Variants in ADPGK observed in about 807,000 individuals in gnomAD.
ADPGK encodes the protein ADP-dependent glucokinase.
ADPGK carries 26 observed loss-of-function variants against 42.4 expected under a neutral mutation model. The ratio of observed to expected loss-of-function variants is 0.61; its 90% CI spans 0.45 to 0.85. The LOEUF is 0.85. Ranked by LOEUF, ADPGK falls within the 40% of genes least tolerant of loss-of-function variation. The probability of loss-of-function intolerance (pLI) is 0.00; values close to 1 mark genes in which losing one functional copy is unlikely to be tolerated. For missense variants in ADPGK, 571 were observed against 627.0 expected, an observed-to-expected ratio of 0.91 and a Z score of 0.95; for synonymous variants, 267 against 252.6, an observed-to-expected ratio of 1.06 and a Z score of -0.54.
At position 72,751,688 on chromosome 15, in the gene ADPGK, G is replaced by A. The variant is rs954871321; in HGVS notation, c.*653C>T. ...CACCAGCCAGCCTATAACCTATGGA[G>A]CCAGGACAGGAAAGCATGATCCTTC... On this transcript the variant is annotated 3_prime_UTR_variant, in exon 7 of 7. Transcript: ENST00000456471. 1 of 152,766 alleles carries A rather than the reference G, an allele frequency of 6.5e-6. No homozygotes were observed. The highest frequency in any genetic ancestry group is 2.4e-5 in the African/African-American group (1 of 41,442). The allele number at this position is 152,766 out of a possible 1,614,324, so 9.5% of individuals were successfully genotyped here.
At chr15:72,772,684 G>C (rs986737447) in intron 2 of ADPGK, among the ~76,000 whole-genome samples, 6 of 152,116 alleles carry the variant, frequency 3.9e-5, no homozygotes, top group Admixed American at 3.9e-4. Context: ...GTAAATGTTT[G>C]TTGCTAAATT....
chr15:72,774,817 T>C, intron 2 of ADPGK, 55 bp downstream of exon 2: 2 of 1,502,526 alleles, frequency 1.3e-6, no homozygotes, highest in African/African-American at 1.4e-5. Flanking sequence ...CTAGGAACCA[T>C]ATTAAAAAGG....
rs747531189 is a variant in ADPGK at position 72,756,385 on chromosome 15, A to T, written c.706T>A (p.Ser236Thr). 2 of 1,614,162 alleles carry T rather than the reference A, an allele frequency of 1.2e-6. No homozygotes were observed. The highest frequency in any genetic ancestry group is 2.2e-5 in the South Asian group (2 of 91,076). Reference protein sequence around the residue: ...ANRFIFSHDLSNGAMNMLEVF... With the variant: ...ANRFIFSHDLTNGAMNMLEVF... ...TCCAGCATATTCATGGCCCCGTTGG[A>T]GAGGTCGTGAGAGAAGATGAATCGG... Residue 236 changes from serine (S) to threonine (T), a missense_variant, in exon 5 of 7, where the codon TCC becomes ACC. Ser to Thr is a moderately conservative substitution (Grantham distance 58). This residue lies in a region of ADPGK where 434 missense variants were observed against 522.7 expected (regional missense o/e 0.83). Transcript: ENST00000456471.
chr15:72,783,449 T>C lies in ADPGK; in HGVS notation c.233+10A>G. ...GGAGGCTCAGAGACCCAGGCCCCGTTGGCACTCACCCCACTGCCACGCGGC... is the reference window on the plus strand; with the variant it reads ...GGAGGCTCAGAGACCCAGGCCCCGTCGGCACTCACCCCACTGCCACGCGGC... On this transcript the variant is annotated intron_variant, in intron 1 of 6. Coordinates refer to ENST00000456471, the MANE Select transcript of ADPGK (RefSeq NM_001365225.1). 2.2e-6 allele frequency: 3 copies of C among 1,357,034 alleles called. No homozygotes were observed. The highest frequency in any genetic ancestry group is 2.8e-6 in the Non-Finnish European group (3 of 1,060,440). 84.1% of individuals were successfully genotyped at this position (1,357,034 alleles called of 1,614,324 possible). A position where few individuals can be genotyped will look rare whatever the true frequency, so the allele number is the denominator to read the frequency against.
At chr15:72,773,725 A>G (rs924387542) in intron 2 of ADPGK, among the ~76,000 whole-genome samples, 14 of 152,256 alleles carry the variant, frequency 9.2e-5, no homozygotes, top group Middle Eastern at 3.2e-3. Context: ...AGATTCTCTC[A>G]TAAGAGATAA....
In ADPGK at chr15:72,752,128, T is replaced by C; in HGVS notation, c.*213A>G. On this transcript the variant is annotated 3_prime_UTR_variant, in exon 7 of 7. Transcript: ENST00000456471. ...TTTGGGAACTGAGTTTTTAGCTCTG[T>C]GACACACAACATAAAAAACAAAAAT... is the stretch of plus-strand genomic sequence containing the variant. 1.8e-6 allele frequency: 1 copy of C among 565,772 alleles called. No homozygotes were observed. The allele number at this position is 565,772 out of a possible 1,614,324, so 35.0% of individuals were successfully genotyped here.
intron 3 of ADPGK, among the ~76,000 whole-genome samples, chr15:72,766,074 A>C (rs2066254603): frequency 6.6e-6 from 1 of 152,142 alleles, no homozygotes; most frequent in Admixed American, 6.6e-5. Flanking sequence ...AGTAGCCTCA[A>C]ACTCCTAGGC....
intron 1 of ADPGK, chr15:72,783,159 G>A (rs1387968623): frequency 3.6e-6 from 4 of 1,114,928 alleles, no homozygotes; most frequent in Admixed American, 9.2e-5. Context: ...AGAAGAGAAG[G>A]GGCTAAAAGT....
intron 1 of ADPGK, among the ~76,000 whole-genome samples, chr15:72,775,954 C>T (rs968552839): frequency 1.3e-5 from 2 of 152,192 alleles, no homozygotes; most frequent in Non-Finnish European, 2.9e-5. Flanking sequence ...AGTCCAAACA[C>T]ATTTCATATA....
intron 1 of ADPGK, among the ~76,000 whole-genome samples, chr15:72,780,990 T>C (rs1305512200): frequency 6.6e-6 from 1 of 152,196 alleles, no homozygotes; most frequent in Non-Finnish European, 1.5e-5. Context: ...TGTCAAGATA[T>C]TCCTCCTTAT....
At chr15:72,780,978 G>C (rs573397564) in intron 1 of ADPGK, among the ~76,000 whole-genome samples, 1 of 152,254 alleles carries the variant, frequency 6.6e-6, no homozygotes, top group South Asian at 2.1e-4. Flanking sequence ...CCAGTGTCAG[G>C]ATGTCAAGAT....
At chr15:72,765,872 T>C (rs2066251945) in intron 3 of ADPGK, among the ~76,000 whole-genome samples, 1 of 152,246 alleles carries the variant, frequency 6.6e-6, no homozygotes, top group African/African-American at 2.4e-5. Flanking sequence ...GTAAAGATGT[T>C]ATGAATATTG....
Position 72,756,393 on chromosome 15 carries a change from T to C in ADPGK, c.698A>G (p.His233Arg). The change falls in exon 5 of 7, where the codon CAC becomes CGC. Residue 233 changes from histidine (H) to arginine (R), a missense_variant. Coordinates refer to ENST00000456471, the MANE Select transcript of ADPGK (RefSeq NM_001365225.1). ...ATTCATGGCCCCGTTGGAGAGGTCG[T>C]GAGAGAAGATGAATCGGTTGGCATG... ...APHANRFIFS[H>R]DLSNGAMNML... The C allele has an allele frequency of 1.2e-6, 2 of 1,614,094 alleles. No homozygotes were observed. Among genetic ancestry groups the C allele is most frequent in the Non-Finnish European group, 1.7e-6 (2 of 1,180,012 alleles).
intron 1 of ADPGK, 54 bp downstream of exon 1, chr15:72,783,405 G>C: frequency 7.6e-7 from 1 of 1,313,722 alleles, no homozygotes; most frequent in Non-Finnish European, 9.7e-7. Flanking sequence ...GGCTCCGCCC[G>C]ACCTCCAAGG....
At chr15:72,780,836 T>C (rs1223245340) in intron 1 of ADPGK, among the ~76,000 whole-genome samples, 1 of 152,314 alleles carries the variant, frequency 6.6e-6, no homozygotes, top group East Asian at 1.9e-4. Context: ...CGTTTTTGAC[T>C]GCCTTTCTTT....
At chr15:72,760,819 C>T (rs1163351538) in intron 3 of ADPGK, among the ~76,000 whole-genome samples, 3 of 152,154 alleles carry the variant, frequency 2.0e-5, no homozygotes, top group Non-Finnish European at 4.4e-5. Flanking sequence ...ATTCCCTCTG[C>T]TGCGGACTGC....
At chr15:72,772,321 C>T (rs1192299055) in intron 2 of ADPGK, among the ~76,000 whole-genome samples, 1 of 152,262 alleles carries the variant, frequency 6.6e-6, no homozygotes, top group Non-Finnish European at 1.5e-5. Context: ...CCCTTCCCTT[C>T]CACACCCTGC....
chr15:72,771,865 T>C lies in ADPGK; in HGVS notation c.460-20A>G. On this transcript the variant is annotated intron_variant, in intron 2 of 6. Coordinates refer to ENST00000456471, the MANE Select transcript of ADPGK (RefSeq NM_001365225.1). Reference sequence around the variant, plus strand: ...ATAGTGCTGTAAGAGAGTTCAAGGCTTTTAGACAGTATTTTAATACAACTA... The same window carrying C: ...ATAGTGCTGTAAGAGAGTTCAAGGCCTTTAGACAGTATTTTAATACAACTA... 1.3e-6 allele frequency: 2 copies of C among 1,577,870 alleles called. No individual in the cohort carries two copies. Among genetic ancestry groups the C allele is most frequent in the Non-Finnish European group, 1.7e-6 (2 of 1,160,840 alleles).
chr15:72,783,732 C>A lies in ADPGK; in HGVS notation c.-41G>T. 1 of 1,414,032 alleles carries A rather than the reference C, an allele frequency of 7.1e-7. No homozygotes were observed. The highest frequency in any genetic ancestry group is 9.2e-7 in the Non-Finnish European group (1 of 1,088,102). 87.6% of individuals were successfully genotyped at this position (1,414,032 alleles called of 1,614,324 possible). A position where few individuals can be genotyped will look rare whatever the true frequency, so the allele number is the denominator to read the frequency against. ...GCACCTGCGCGAACCAACTCCTTTC[C>A]TAGCCCGCGCCTCTTCCGGGCTCGG... On this transcript the variant is annotated 5_prime_UTR_variant, in exon 1 of 7. It adds an upstream start codon to the 5' untranslated region. Coordinates refer to ENST00000456471, the MANE Select transcript of ADPGK (RefSeq NM_001365225.1).
Sources: allele counts gnomAD v4.1 joint callset (sites outside exome capture counted in the v4.1 genomes callset), GRCh38; gene constraint gnomAD v4.1.1; regional missense constraint gnomAD v4.1.1; transcripts MANE v1.5; gene names NCBI Gene and HGNC (gene_info 2026-07-23, HGNC 2026-07-21).